NPAS3: variants seen among roughly 807,000 people sequenced by gnomAD.
NPAS3 encodes the protein neuronal PAS domain-containing protein 3.
NPAS3 carries 14 observed loss-of-function variants against 73.1 expected under a neutral mutation model. That is an observed-to-expected ratio of 0.19 (90% CI 0.13 to 0.30). The LOEUF (loss-of-function observed/expected upper bound fraction) is 0.30, where lower values mean the gene tolerates loss of function less well. Ranked by LOEUF, NPAS3 falls within the 10% of genes least tolerant of loss-of-function variation. NPAS3 has a pLI of 1.00. For synonymous variants in NPAS3, 620 were observed against 541.5 expected (o/e 1.14, Z -2.01); for missense variants, 1,096 against 1,250.0 (o/e 0.88, Z 1.86).
intron 4 of NPAS3, among the ~76,000 whole-genome samples, chr14:33,438,262 C>T (rs770407251): frequency 9.2e-5 from 14 of 152,170 alleles, no homozygotes; most frequent in Admixed American, 3.3e-4. Flanking sequence ...TGAGACAGAT[C>T]ATACTCTTAC....
chr14:33,258,457 G>A (rs2048855028), intron 3 of NPAS3, among the ~76,000 whole-genome samples: 1 of 152,168 alleles, frequency 6.6e-6, no homozygotes, highest in South Asian at 2.1e-4. Flanking sequence ...TCTTTTAAGG[G>A]AGTAGTAGCA....
At chr14:33,569,516 C>G (rs2056111569) in intron 5 of NPAS3, among the ~76,000 whole-genome samples, 1 of 152,072 alleles carries the variant, frequency 6.6e-6, no homozygotes, top group Non-Finnish European at 1.5e-5. Context: ...GAGAAGCAAG[C>G]TTTATATTAA....
chr14:33,088,041 A>G (rs1395882150), intron 2 of NPAS3, among the ~76,000 whole-genome samples: 1 of 152,208 alleles, frequency 6.6e-6, no homozygotes, highest in Non-Finnish European at 1.5e-5. Context: ...CCATTTAACA[A>G]TTGCCCACCA....
intron 2 of NPAS3, among the ~76,000 whole-genome samples, chr14:33,093,177 C>T (rs1394184980): frequency 3.3e-5 from 5 of 152,186 alleles, no homozygotes; most frequent in African/African-American, 4.8e-5. Flanking sequence ...TTAGCGTGAA[C>T]AGGCAACCTA....
At chr14:33,438,849 C>T (rs1283152225) in intron 4 of NPAS3, among the ~76,000 whole-genome samples, 1 of 152,186 alleles carries the variant, frequency 6.6e-6, no homozygotes, top group Non-Finnish European at 1.5e-5. Context: ...CATGGGCACA[C>T]CTAAAATAAA....
intron 2 of NPAS3, among the ~76,000 whole-genome samples, chr14:33,163,927 A>G (rs1442077422): frequency 6.6e-6 from 1 of 152,172 alleles, no homozygotes; most frequent in Non-Finnish European, 1.5e-5. Context: ...GTGAGAGAAA[A>G]TTACCATTGT....
At chr14:33,146,854 AAGT>A in intron 2 of NPAS3, among the ~76,000 whole-genome samples, 1 of 152,350 alleles carries the variant, frequency 6.6e-6, no homozygotes, top group African/African-American at 2.4e-5. Flanking sequence ...GAAGATTTTT[AAGT>A]AGAAGTTACA....
chr14:32,946,398 A>G (rs2036263005), intron 1 of NPAS3, among the ~76,000 whole-genome samples: 1 of 150,254 alleles, frequency 6.7e-6, no homozygotes, highest in African/African-American at 2.4e-5. Flanking sequence ...AGTCATCTTC[A>G]AGAAGGGAAA....
Position 33,681,883 on chromosome 14 carries a change from T to TGACA in NPAS3, c.733+5499_733+5502dup, listed in dbSNP as rs200047768. Among the ~76,000 whole-genome samples the TGACA allele has an allele frequency of 5.6e-3, 691 of 123,110 alleles. 32 individuals are homozygous for TGACA. The East Asian group carries it at 0.16, about 29-fold the overall frequency. The allele number at this position is 123,110 out of a possible 152,430, so 80.8% of individuals were successfully genotyped here. Reference sequence around the variant, plus strand: ...GAGTTAGAGCTATTGGAAGGGTAAGTGACAAACAGTGTAGTCGAGTGGTAT... The same window carrying TGACA: ...GAGTTAGAGCTATTGGAAGGGTAAGTGACAGACAAACAGTGTAGTCGAGTGGTAT... On this transcript the variant is annotated intron_variant, in intron 6 of 11. Coordinates refer to ENST00000356141, the Ensembl canonical transcript of NPAS3.
intron 7 of NPAS3, among the ~76,000 whole-genome samples, chr14:33,745,623 C>T (rs1052410881): frequency 6.6e-6 from 1 of 152,162 alleles, no homozygotes; most frequent in African/African-American, 2.4e-5. Context: ...CTAGACTATA[C>T]AAAACCTTAA....
intron 1 of NPAS3, among the ~76,000 whole-genome samples, chr14:32,993,415 C>T (rs1385555101): frequency 6.6e-6 from 1 of 152,044 alleles, no homozygotes; most frequent in Non-Finnish European, 1.5e-5. Context: ...GTGAGACATT[C>T]GAGAGGGAAA....
chr14:33,101,558 C>A (rs2042578147), intron 2 of NPAS3, among the ~76,000 whole-genome samples: 1 of 152,044 alleles, frequency 6.6e-6, no homozygotes, highest in Admixed American at 6.6e-5. Flanking sequence ...TAATTGCCTC[C>A]TTAGAGGAAG....
At chr14:33,583,691 A>G (rs1428235162) in intron 5 of NPAS3, among the ~76,000 whole-genome samples, 1 of 152,234 alleles carries the variant, frequency 6.6e-6, no homozygotes, top group Non-Finnish European at 1.5e-5. Context: ...AGAGAAACTT[A>G]AAGATTTTAA....
At chr14:33,558,394 G>T (rs2139740252) in intron 4 of NPAS3, among the ~76,000 whole-genome samples, 1 of 152,024 alleles carries the variant, frequency 6.6e-6, no homozygotes, top group Non-Finnish European at 1.5e-5. Flanking sequence ...CCAAGTATCT[G>T]GGATTACAGG....
At chr14:33,388,318 G>A (rs1297924445) in intron 4 of NPAS3, among the ~76,000 whole-genome samples, 1 of 152,146 alleles carries the variant, frequency 6.6e-6, no homozygotes, top group Non-Finnish European at 1.5e-5. Context: ...AAGTAGAGGG[G>A]GTGCAGATAT....
chr14:33,108,136 AAGT>A (rs1012374923), intron 2 of NPAS3, among the ~76,000 whole-genome samples: 29 of 152,246 alleles, frequency 1.9e-4, no homozygotes, highest in African/African-American at 7.0e-4. Flanking sequence ...AAAAGCAAAA[AAGT>A]AGAATTTAGA....
At chr14:32,946,203 T>C (rs1269334964) in intron 1 of NPAS3, among the ~76,000 whole-genome samples, 1 of 152,192 alleles carries the variant, frequency 6.6e-6, no homozygotes, top group Admixed American at 6.5e-5. Context: ...TTATATAGCA[T>C]CGTGTGCTAA....
intron 5 of NPAS3, among the ~76,000 whole-genome samples, chr14:33,575,602 G>T (rs1475296469): frequency 2.0e-5 from 3 of 152,182 alleles, no homozygotes; most frequent in Non-Finnish European, 4.4e-5. Flanking sequence ...GTCTAAGGAT[G>T]ATACAGTCCT....
chr14:33,508,544 C>T (rs2052884589), intron 4 of NPAS3, among the ~76,000 whole-genome samples: 1 of 152,140 alleles, frequency 6.6e-6, no homozygotes, highest in Non-Finnish European at 1.5e-5. Context: ...GTGCAAATAA[C>T]TCTGGGGTGA....
Sources: gnomAD v4.1 joint callset for allele counts (sites outside exome capture counted in the v4.1 genomes callset) on GRCh38, gnomAD v4.1.1 for gene constraint, MANE v1.5 for transcripts, NCBI Gene and HGNC (gene_info 2026-07-23, HGNC 2026-07-21) for gene names.